The following HPS3 variants were observed in gnomAD, a reference collection of about 807,000 sequenced individuals.
HPS3 encodes the protein HPS3 biogenesis of lysosomal organelles complex 2 subunit 1.
In HPS3, 79 loss-of-function variants were observed where a neutral mutation model predicts 110.9. The ratio of observed to expected loss-of-function variants is 0.71; its 90% CI spans 0.59 to 0.86. The LOEUF (loss-of-function observed/expected upper bound fraction) is 0.86, where lower values mean the gene tolerates loss of function less well. Among genes scored for constraint, HPS3 ranks in the 40% least tolerant of loss-of-function variants. HPS3 has a pLI of 0.00. For synonymous variants in HPS3, 428 were observed against 451.0 expected (o/e 0.95, Z 0.65); for missense variants, 1,197 against 1,206.2 (o/e 0.99, Z 0.11).
rs112009589 is a variant in HPS3 at position 149,140,491 on chromosome 3, A to G, written c.705A>G (p.Thr235=). The G allele has an allele frequency of 6.2e-7, 1 of 1,614,170 alleles. No homozygotes were observed. The highest frequency in any genetic ancestry group is 1.1e-5 in the South Asian group (1 of 91,078). Residue 235 remains threonine, a synonymous_variant, in exon 2 of 17, where the codon ACA becomes ACG. Transcript: ENST00000296051. ...PHKTNNRIRR[T]EEGISNEISQ... ...AGACCAACAATCGAATAAGACGGAC[A>G]GAAGAAGGTAAATAATGAATTTGAC...
chr3:149,131,853 T>C (rs1249461182), intron 1 of HPS3, among the ~76,000 whole-genome samples: 4 of 152,178 alleles, frequency 2.6e-5, no homozygotes, highest in Non-Finnish European at 5.9e-5. Flanking sequence ...AAATTAAGTG[T>C]TACTCCAGTG....
intron 5 of HPS3, among the ~76,000 whole-genome samples, chr3:149,145,858 C>T (rs911739511): frequency 1.2e-4 from 19 of 152,144 alleles, no homozygotes; most frequent in Admixed American, 1.0e-3. Context: ...CAGAGCGTCT[C>T]TTTAAGTTTC....
intron 11 of HPS3, among the ~76,000 whole-genome samples, chr3:149,161,478 T>C (rs1430801219): frequency 6.6e-6 from 1 of 151,352 alleles, no homozygotes. Context: ...AATCTGTACA[T>C]GTTCAGAACA....
intron 7 of HPS3, chr3:149,153,954 A>T (rs1159220972): frequency 2.0e-5 from 7 of 351,300 alleles, no homozygotes; most frequent in African/African-American, 1.5e-4. Flanking sequence ...CTATAATGCT[A>T]ATTGAAACTA....
chr3:149,152,647 G>A (rs898659814), intron 6 of HPS3, among the ~76,000 whole-genome samples: 1 of 152,190 alleles, frequency 6.6e-6, no homozygotes, highest in Non-Finnish European at 1.5e-5. Context: ...CAAGAGTCTG[G>A]TTGAAAGTGC....
At chr3:149,139,877 G>T in intron 1 of HPS3, 127 bp from the exon 2 acceptor site, 1 of 868,460 alleles carries the variant, frequency 1.2e-6, no homozygotes, top group Non-Finnish European at 1.8e-6. Flanking sequence ...TGTTACTTAG[G>T]GTTTTATTCT....
intron 5 of HPS3, 99 bp downstream of exon 5, chr3:149,145,645 T>TTCAC (rs1722745378): frequency 3.3e-6 from 3 of 912,760 alleles, no homozygotes; most frequent in Non-Finnish European, 3.7e-6. Flanking sequence ...TAGCATAGAG[T>TTCAC]ACTATAAATG....
chr3:149,162,748 C>A lies in HPS3; in HGVS notation c.2351C>A (p.Ala784Asp). The change falls in exon 13 of 17, where the codon GCT (alanine) becomes GAT (aspartate). Residue 784 changes from alanine (A) to aspartate (D), a missense_variant. Ala to Asp is a moderately radical substitution (Grantham distance 126). Coordinates refer to ENST00000296051, the MANE Select transcript of HPS3 (RefSeq NM_032383.5). The stretch of plus-strand genomic sequence containing the variant: ...CAGCTCTTGGTAGACTTTTGGGAAG[C>A]TCAGCTAGTGGCATGTCTCCCAGAT... ...IPQLLVDFWE[A>D]QLVACLPDVV... The A allele has an allele frequency of 6.2e-7, 1 of 1,614,010 alleles. No individual in the cohort carries two copies.
At chr3:149,159,965 G>C (rs536665543) in intron 10 of HPS3, 81 bp from the exon 11 acceptor site, 2 of 945,726 alleles carry the variant, frequency 2.1e-6, no homozygotes, top group South Asian at 2.6e-5. Flanking sequence ...TTGGCTTTTT[G>C]CACATATGTT....
At chr3:149,130,186 G>A (rs1313639595) in intron 1 of HPS3, 4 of 572,164 alleles carry the variant, frequency 7.0e-6, no homozygotes, top group Admixed American at 6.2e-5. Flanking sequence ...TCTTCGTCTT[G>A]GTTTTCTGCA....
intron 8 of HPS3, among the ~76,000 whole-genome samples, chr3:149,155,570 C>G (rs1054215920): frequency 6.6e-6 from 1 of 152,026 alleles, no homozygotes; most frequent in African/African-American, 2.4e-5. Context: ...GATTATGTAT[C>G]CCTGTCCCAC....
rs1205220908 is a variant in HPS3, at chr3:149,140,909, T to C, written c.713-108T>C. ...TTTCACAACCACAGTGCCTTGTAAATGTGTGCATATTATAAATAAATGAAA... is the reference window on the plus strand; with the variant it reads ...TTTCACAACCACAGTGCCTTGTAAACGTGTGCATATTATAAATAAATGAAA... On this transcript the variant is annotated intron_variant, in intron 2 of 16. Coordinates refer to ENST00000296051, the MANE Select transcript of HPS3 (RefSeq NM_032383.5). 3.9e-6 allele frequency: 4 copies of C among 1,016,046 alleles called. No homozygotes were observed. The African/African-American group carries it at 6.5e-5, about 16-fold the overall frequency. 62.9% of individuals were successfully genotyped at this position (1,016,046 alleles called of 1,614,324 possible).
In HPS3 at chr3:149,166,024, A is replaced by G. The variant is rs954205187; in HGVS notation, c.2590-1010A>G. 5 of 456,408 alleles carry G rather than the reference A, an allele frequency of 1.1e-5. No individual in the cohort carries two copies. The Middle Eastern group carries it at 9.8e-4, about 89-fold the overall frequency. The allele number at this position is 456,408 out of a possible 1,614,324, so 28.3% of individuals were successfully genotyped here. A position where few individuals can be genotyped will look rare whatever the true frequency, so the allele number is the denominator to read the frequency against. ...ACTGTGATTGGGTAGATCACATTCC[A>G]TATTCTCCTGTGAGTCTCAGAAGAT... On this transcript the variant is annotated intron_variant, in intron 14 of 16. Coordinates refer to ENST00000296051, the MANE Select transcript of HPS3 (RefSeq NM_032383.5).
rs750390759 is a variant in HPS3 at position 149,140,201 on chromosome 3, A to T, written c.415A>T (p.Ile139Phe). The change falls in exon 2 of 17, where the codon ATT (isoleucine) becomes TTT (phenylalanine). Residue 139 changes from isoleucine to phenylalanine, a missense_variant. By Grantham distance (21) the Ile-to-Phe change is conservative. Transcript: ENST00000296051. The part of the protein sequence containing the change: ...EMPLSEAPLC[I>F]SCCPVKGDLL... The stretch of plus-strand genomic sequence containing the variant: ...GCCGCTTTCGGAGGCCCCCTTGTGC[A>T]TTTCCTGTTGCCCTGTGAAAGGAGA... 1.2e-6 allele frequency: 2 copies of T among 1,614,180 alleles called. No individual in the cohort carries two copies. The highest frequency in any genetic ancestry group is 1.7e-6 in the Non-Finnish European group (2 of 1,180,026).
chr3:149,134,773 T>C (rs1460167629), intron 1 of HPS3, among the ~76,000 whole-genome samples: 1 of 152,174 alleles, frequency 6.6e-6, no homozygotes, highest in Non-Finnish European at 1.5e-5. Context: ...TATAATCCAG[T>C]TGGCTGCCTT....
rs763467075 is a variant in HPS3, at chr3:149,140,094, G to A, written c.308G>A (p.Arg103His). Residue 103 changes from arginine (R) to histidine (H), a missense_variant, in exon 2 of 17, where the codon CGT becomes CAT. Arg to His is a conservative substitution (Grantham distance 29). Coordinates refer to ENST00000296051, the MANE Select transcript of HPS3 (RefSeq NM_032383.5). ...NWRNKRTENS[R>H]VCIRMIGHNV... The stretch of plus-strand genomic sequence containing the variant: ...AGAAATAAAAGGACTGAAAACTCTC[G>A]TGTGTGTATCCGAATGATTGGGCAT... The A allele has an allele frequency of 3.7e-6, 6 of 1,613,098 alleles. No homozygotes were observed. Among genetic ancestry groups the A allele is most frequent in the Non-Finnish European group, 5.1e-6 (6 of 1,179,662 alleles).
Position 149,140,471 on chromosome 3 carries a change from A to C in HPS3, c.685A>C (p.Asn229His). The C allele has an allele frequency of 6.2e-7, 1 of 1,614,136 alleles. No homozygotes were observed. Among genetic ancestry groups the C allele is most frequent in the Non-Finnish European group, 8.5e-7 (1 of 1,180,012 alleles). The change falls in exon 2 of 17, where the codon AAC becomes CAC. Residue 229 changes from asparagine to histidine, a missense_variant. Coordinates refer to ENST00000296051, the MANE Select transcript of HPS3 (RefSeq NM_032383.5). ...ERVHHHPHKT[N>H]NRIRRTEEGI... ...AGTTCACCACCATCCACATAAGACC[A>C]ACAATCGAATAAGACGGACAGAAGA...
chr3:149,169,081 A>G (rs139271173), intron 16 of HPS3, among the ~76,000 whole-genome samples: 60 of 151,952 alleles, frequency 3.9e-4, no homozygotes, highest in Non-Finnish European at 4.9e-4. Context: ...ACTAAGTGCC[A>G]TGTGTGATTT....
At chr3:149,130,966 G>A (rs922710998) in intron 1 of HPS3, among the ~76,000 whole-genome samples, 5 of 152,098 alleles carry the variant, frequency 3.3e-5, no homozygotes, top group Non-Finnish European at 7.3e-5. Context: ...TTTACAAGAT[G>A]GGTGTAAAGT....
Sources: gnomAD v4.1 joint callset for allele counts (sites outside exome capture counted in the v4.1 genomes callset) on GRCh38, gnomAD v4.1.1 for gene constraint, MANE v1.5 for transcripts, NCBI Gene and HGNC (gene_info 2026-07-23, HGNC 2026-07-21) for gene names.